The following SPAG9 variants were observed in gnomAD, a reference collection of about 807,000 sequenced individuals.
The protein encoded by SPAG9 is C-Jun-amino-terminal kinase-interacting protein 4.
Under a neutral mutation model 166.5 loss-of-function variants are expected in SPAG9, and 35 were observed. The ratio of observed to expected loss-of-function variants is 0.21; its 90% CI spans 0.16 to 0.28. The LOEUF is 0.28. SPAG9 is among the 10% of genes least tolerant of loss of function. The probability of loss-of-function intolerance (pLI) is 1.00; values close to 1 mark genes in which losing one functional copy is unlikely to be tolerated. For synonymous variants in SPAG9, 534 were observed against 565.5 expected (o/e 0.94, Z 0.79); for missense variants, 1,235 against 1,603.3 (o/e 0.77, Z 3.92).
In SPAG9 at chr17:50,966,337, G is replaced by T. The variant is rs1436965957; in HGVS notation, c.3901C>A (p.Pro1301Thr). 5 of 1,613,836 alleles carry T rather than the reference G, an allele frequency of 3.1e-6. No individual in the cohort carries two copies. In the Admixed American group the frequency reaches 8.3e-5, roughly 27 times the overall value. Residue 1301 changes from proline (P) to threonine (T), a missense_variant, in exon 30 of 30, where the codon CCT becomes ACT. By Grantham distance (38) the Pro-to-Thr change is conservative. Transcript: ENST00000262013. ...ELLGEDLPLE[P>T]SVTKAERSHL... ...CTCCTTTCTGCTTTGGTGACAGAAG[G>T]TTCAAGTGGAAGATCCTCTCCAAGA...
Position 51,065,013 on chromosome 17 carries a change from C to T in SPAG9, c.425-8531G>A, listed in dbSNP as rs574061202. Among the ~76,000 whole-genome samples the T allele has an allele frequency of 2.8e-4, 42 of 152,212 alleles. 1 individual carries two copies. Among genetic ancestry groups the T allele is most frequent in the Middle Eastern group, 3.4e-3 (1 of 294 alleles). ...TGGCAGGTGCCTGTAATCCTAGCTACTCAGGAGGCTGAGGCAGGAAAATTG... is the reference window on the plus strand; with the variant it reads ...TGGCAGGTGCCTGTAATCCTAGCTATTCAGGAGGCTGAGGCAGGAAAATTG... On this transcript the variant is annotated intron_variant, in intron 2 of 29. Transcript: ENST00000262013.
intron 9 of SPAG9, among the ~76,000 whole-genome samples, chr17:51,010,791 G>A (rs1209297799): frequency 1.3e-5 from 2 of 151,898 alleles, no homozygotes; most frequent in East Asian, 1.9e-4. Context: ...CATGTCAAAC[G>A]TAAAGCCCTC....
chr17:50,998,411 T>G, intron 15 of SPAG9, 33 bp downstream of exon 15: 1 of 1,570,702 alleles, frequency 6.4e-7, no homozygotes, highest in East Asian at 2.2e-5. Flanking sequence ...TAACTTAATT[T>G]AGAATATAAT....
intron 2 of SPAG9, among the ~76,000 whole-genome samples, chr17:51,077,021 T>TCTAGCTAGCTAG (rs1249662126): frequency 5.3e-5 from 4 of 76,120 alleles, no homozygotes; most frequent in African/African-American, 2.7e-4. Context: ...TAGCTAGCTA[T>TCTAGCTAGCTAG]CTAGCTATCT....
chr17:51,019,481 T>C (rs190558849), intron 8 of SPAG9, among the ~76,000 whole-genome samples: 9 of 152,202 alleles, frequency 5.9e-5, no homozygotes, highest in African/African-American at 2.2e-4. Context: ...CACCTGACCC[T>C]GGGAGGCAGA....
intron 6 of SPAG9, among the ~76,000 whole-genome samples, chr17:51,030,201 A>G (rs914429976): frequency 6.6e-6 from 1 of 152,218 alleles, no homozygotes. Flanking sequence ...GCATTGCAGC[A>G]TAACTATTTT....
At chr17:51,015,937 C>T (rs183325397) in intron 8 of SPAG9, among the ~76,000 whole-genome samples, 14 of 152,048 alleles carry the variant, frequency 9.2e-5, no homozygotes, top group African/African-American at 2.9e-4. Context: ...AGACTTACTT[C>T]ATATAAGAAG....
At chr17:51,010,608 T>C (rs1174460748) in intron 9 of SPAG9, among the ~76,000 whole-genome samples, 3 of 148,690 alleles carry the variant, frequency 2.0e-5, no homozygotes, top group Non-Finnish European at 4.5e-5. Context: ...TATACATATA[T>C]GTATGTATAC....
chr17:51,015,458 A>T (rs2045656703), intron 8 of SPAG9, among the ~76,000 whole-genome samples: 1 of 152,196 alleles, frequency 6.6e-6, no homozygotes, highest in Non-Finnish European at 1.5e-5. Context: ...TAGGCAGGAA[A>T]GTGGAGAATC....
chr17:50,976,401 T>C (rs947792593), intron 27 of SPAG9, among the ~76,000 whole-genome samples: 3 of 152,332 alleles, frequency 2.0e-5, no homozygotes, highest in East Asian at 1.9e-4. Context: ...ATTGAAACCT[T>C]GCTTTCTTTT....
At chr17:51,103,412 A>T (rs2048858531) in intron 1 of SPAG9, among the ~76,000 whole-genome samples, 1 of 152,178 alleles carries the variant, frequency 6.6e-6, no homozygotes, top group Non-Finnish European at 1.5e-5. Flanking sequence ...CAGAATTGAA[A>T]CCTGAAAGAT....
intron 5 of SPAG9, among the ~76,000 whole-genome samples, chr17:51,035,814 C>T (rs2046563810): frequency 6.6e-6 from 1 of 152,186 alleles, no homozygotes; most frequent in African/African-American, 2.4e-5. Flanking sequence ...AGGTCACATT[C>T]TACTAATAAT....
chr17:51,052,442 T>C (rs1237206552), intron 3 of SPAG9, among the ~76,000 whole-genome samples: 7 of 152,068 alleles, frequency 4.6e-5, no homozygotes, highest in South Asian at 2.1e-4. Flanking sequence ...AAACAAAATA[T>C]AGGGAGCCTA....
chr17:51,048,051 T>C, intron 3 of SPAG9, among the ~76,000 whole-genome samples: 1 of 152,128 alleles, frequency 6.6e-6, no homozygotes, highest in Non-Finnish European at 1.5e-5. Flanking sequence ...CCTTTGACTG[T>C]TACTGGTATC....
In SPAG9 at chr17:51,041,678, G is replaced by A. The variant is rs942355396; in HGVS notation, c.591-27C>T. On this transcript the variant is annotated intron_variant, in intron 4 of 29. Transcript: ENST00000262013. ...TATTTGAAGAGGGGAGAAAAAATTC[G>A]GCATTCATTTATTTTGACTTTTTAT... is the stretch of plus-strand genomic sequence containing the variant. 34 of 1,608,018 alleles carry A rather than the reference G, an allele frequency of 2.1e-5. 1 individual carries two copies. The highest frequency in any genetic ancestry group is 1.0e-4 in the South Asian group (9 of 90,258).
intron 8 of SPAG9, among the ~76,000 whole-genome samples, chr17:51,017,654 G>A (rs1446926514): frequency 6.6e-6 from 1 of 151,950 alleles, no homozygotes; most frequent in East Asian, 1.9e-4. Context: ...TATAAAATAA[G>A]GATAAAAAGA....
chr17:51,114,822 C>T (rs1385186105), intron 1 of SPAG9, among the ~76,000 whole-genome samples: 1 of 151,798 alleles, frequency 6.6e-6, no homozygotes, highest in Non-Finnish European at 1.5e-5. Flanking sequence ...TGTAGTGGTG[C>T]ACACCTGTAA....
chr17:50,999,543 GT>G (rs2044835776), intron 14 of SPAG9, 117 bp downstream of exon 14: 6 of 1,417,862 alleles, frequency 4.2e-6, no homozygotes, highest in Middle Eastern at 1.8e-4. Flanking sequence ...ATTACCCCTA[GT>G]TTAAAAAAAA....
intron 6 of SPAG9, chr17:51,030,796 G>A (rs976866040): frequency 6.6e-6 from 1 of 152,138 alleles, no homozygotes; most frequent in African/African-American, 2.4e-5. Context: ...CTGTTTCACT[G>A]TTGATGCTAG....
Sources: gnomAD v4.1 joint callset for allele counts (sites outside exome capture counted in the v4.1 genomes callset) on GRCh38, gnomAD v4.1.1 for gene constraint, MANE v1.5 for transcripts, NCBI Gene and HGNC (gene_info 2026-07-23, HGNC 2026-07-21) for gene names.